The following NOL4 variants were observed in gnomAD, a reference collection of about 807,000 sequenced individuals.
The protein encoded by NOL4 is nucleolar protein 4, also known as cancer/testis antigen 125.
NOL4 carries 17 observed loss-of-function variants against 75.9 expected under a neutral mutation model. That is an observed-to-expected ratio of 0.22 (90% CI 0.15 to 0.34). The LOEUF is 0.34. Ranked by LOEUF, NOL4 falls within the 10% of genes least tolerant of loss-of-function variation. The pLI, the probability that NOL4 is intolerant of heterozygous loss-of-function variation, is 1.00. For missense variants in NOL4, 614 were observed against 793.5 expected (o/e 0.77, Z 2.72); for synonymous variants, 292 against 289.9 (o/e 1.01, Z -0.07).
intron 2 of NOL4, among the ~76,000 whole-genome samples, chr18:34,122,535 G>A (rs2080191694): frequency 6.6e-6 from 1 of 152,050 alleles, no homozygotes. Context: ...AATATCTATA[G>A]TGTTTGAAGC....
chr18:33,862,774 G>A (rs1410959059), intron 10 of NOL4, among the ~76,000 whole-genome samples: 1 of 152,214 alleles, frequency 6.6e-6, no homozygotes, highest in Non-Finnish European at 1.5e-5. Flanking sequence ...GGAAACAACA[G>A]CTACTGGAGA....
chr18:33,905,961 G>T (rs1167703579), intron 9 of NOL4, among the ~76,000 whole-genome samples: 1 of 152,128 alleles, frequency 6.6e-6, no homozygotes, highest in African/African-American at 2.4e-5. Context: ...TTGAGAGTGG[G>T]GAAATTGTAG....
At chr18:34,192,620 T>G (rs1414841535) in intron 1 of NOL4, among the ~76,000 whole-genome samples, 1 of 152,174 alleles carries the variant, frequency 6.6e-6, no homozygotes, top group Non-Finnish European at 1.5e-5. Context: ...AAAGGACATT[T>G]TCTTCAATAA....
At chr18:34,214,087 A>G (rs190548818) in intron 1 of NOL4, among the ~76,000 whole-genome samples, 28 of 152,292 alleles carry the variant, frequency 1.8e-4, no homozygotes, top group Non-Finnish European at 3.1e-4. Context: ...ATATAAAAAT[A>G]TTTTATTACA....
At chr18:33,999,021 G>A (rs746118689) in intron 6 of NOL4, among the ~76,000 whole-genome samples, 8 of 151,966 alleles carry the variant, frequency 5.3e-5, no homozygotes, top group Non-Finnish European at 8.8e-5. Flanking sequence ...AGTAGATTTT[G>A]TACAGTGGAT....
chr18:34,161,737 T>C (rs2031513932), intron 1 of NOL4, among the ~76,000 whole-genome samples: 1 of 152,104 alleles, frequency 6.6e-6, no homozygotes, highest in African/African-American at 2.4e-5. Context: ...ATATTTGGAA[T>C]ATTAATTCCT....
chr18:34,218,983 A>T (rs1428758070), intron 1 of NOL4, among the ~76,000 whole-genome samples: 3 of 152,224 alleles, frequency 2.0e-5, no homozygotes, highest in African/African-American at 7.2e-5. Context: ...AGTCAGAAAA[A>T]TAACAAAAAC....
At chr18:33,899,179 G>T (rs2144950913) in intron 9 of NOL4, among the ~76,000 whole-genome samples, 1 of 152,210 alleles carries the variant, frequency 6.6e-6, no homozygotes, top group African/African-American at 2.4e-5. Context: ...GGGGTATTGT[G>T]ATCTGACCAA....
intron 9 of NOL4, among the ~76,000 whole-genome samples, chr18:33,922,371 A>C (rs924350240): frequency 6.6e-6 from 1 of 152,224 alleles, no homozygotes; most frequent in African/African-American, 2.4e-5. Context: ...TTCTAGACTT[A>C]AAAATAAAGT....
At chr18:33,931,370 C>T (rs901102537) in intron 9 of NOL4, among the ~76,000 whole-genome samples, 1 of 152,112 alleles carries the variant, frequency 6.6e-6, no homozygotes, top group Non-Finnish European at 1.5e-5. Context: ...GAAAAGTTTA[C>T]TACAAGCCCC....
chr18:34,142,879 T>C (rs560291461), intron 1 of NOL4, among the ~76,000 whole-genome samples: 1 of 152,268 alleles, frequency 6.6e-6, no homozygotes, highest in East Asian at 1.9e-4. Context: ...TTGGTATCTA[T>C]GAATTCCACA....
chr18:34,068,823 A>T (rs1261764787), intron 5 of NOL4, among the ~76,000 whole-genome samples: 1 of 152,216 alleles, frequency 6.6e-6, no homozygotes, highest in African/African-American at 2.4e-5. Context: ...AGTACTGACT[A>T]GATTTAAAAA....
intron 5 of NOL4, among the ~76,000 whole-genome samples, chr18:34,089,696 C>T (rs1376296785): frequency 6.6e-6 from 1 of 152,098 alleles, no homozygotes; most frequent in Non-Finnish European, 1.5e-5. Context: ...TAATTTTGTC[C>T]CACAAGGGAC....
At chr18:33,964,067 G>A (rs1250015596) in intron 6 of NOL4, among the ~76,000 whole-genome samples, 1 of 152,172 alleles carries the variant, frequency 6.6e-6, no homozygotes, top group Non-Finnish European at 1.5e-5. Context: ...TCACAGCAGT[G>A]ATCGTAAGGT....
chr18:33,965,928 C>G (rs986964807), intron 6 of NOL4, among the ~76,000 whole-genome samples: 7 of 152,116 alleles, frequency 4.6e-5, no homozygotes, highest in Non-Finnish European at 1.0e-4. Flanking sequence ...GTGGGAAAGT[C>G]TTAAACACTG....
chr18:34,193,822 A>C (rs2035099055), intron 1 of NOL4, among the ~76,000 whole-genome samples: 1 of 152,226 alleles, frequency 6.6e-6, no homozygotes, highest in East Asian at 1.9e-4. Context: ...GCCAAGATAT[A>C]GAATCAACCA....
chr18:33,907,004 T>C (rs1010498008), intron 9 of NOL4, among the ~76,000 whole-genome samples: 3 of 152,080 alleles, frequency 2.0e-5, no homozygotes, highest in Non-Finnish European at 4.4e-5. Flanking sequence ...ATAAATTAGT[T>C]ACTTAGTTTT....
chr18:33,855,764 A>G (rs180691287), intron 10 of NOL4, among the ~76,000 whole-genome samples: 77 of 152,226 alleles, frequency 5.1e-4, no homozygotes, highest in Non-Finnish European at 8.2e-4. Flanking sequence ...AGGGATATTT[A>G]AGTTATAAAT....
intron 1 of NOL4, among the ~76,000 whole-genome samples, chr18:34,163,909 C>T (rs1034037007): frequency 8.5e-5 from 13 of 152,072 alleles, no homozygotes; most frequent in African/African-American, 1.2e-4. Flanking sequence ...ATCAATGGAA[C>T]GGAACAGAGC....
Sources: gnomAD v4.1 joint callset for allele counts (sites outside exome capture counted in the v4.1 genomes callset) on GRCh38, gnomAD v4.1.1 for gene constraint, MANE v1.5 for transcripts, NCBI Gene and HGNC (gene_info 2026-07-23, HGNC 2026-07-21) for gene names.